Variants in AXL observed in about 807,000 individuals in gnomAD.
The protein encoded by AXL is AXL receptor tyrosine kinase.
Under a neutral mutation model 104.5 loss-of-function variants are expected in AXL, and 52 were observed. The ratio of observed to expected loss-of-function variants is 0.50; its 90% CI spans 0.40 to 0.63. AXL has a LOEUF of 0.63. Among genes scored for constraint, AXL ranks in the 20% least tolerant of loss-of-function variants. AXL has a pLI of 0.00. For synonymous variants in AXL, 455 were observed against 473.7 expected (o/e 0.96, Z 0.51); for missense variants, 1,024 against 1,188.5 (o/e 0.86, Z 2.04).
intron 6 of AXL, among the ~76,000 whole-genome samples, chr19:41,231,701 C>T (rs1010425040): frequency 6.6e-6 from 1 of 151,760 alleles, no homozygotes; most frequent in African/African-American, 2.4e-5. Flanking sequence ...CCGAGGTGGG[C>T]GGATCACTTG....
chr19:41,239,975 T>C (rs2034152558), intron 10 of AXL, among the ~76,000 whole-genome samples: 1 of 151,302 alleles, frequency 6.6e-6, no homozygotes, highest in Admixed American at 6.6e-5. Context: ...GATAGATATA[T>C]GGAGGGTGGA....
intron 4 of AXL, among the ~76,000 whole-genome samples, chr19:41,227,322 CAG>C (rs1169981212): frequency 6.6e-6 from 1 of 152,078 alleles, no homozygotes; most frequent in Admixed American, 6.6e-5. Context: ...CACAATTTCG[CAG>C]ATAGATTGTT....
rs149422988 is a variant in AXL at position 41,253,105 on chromosome 19, G to A, written c.1926+138G>A. 4.6e-4 allele frequency: 415 copies of A among 892,594 alleles called. 2 individuals carry two copies. The highest frequency in any genetic ancestry group is 6.1e-4 in the Non-Finnish European group (367 of 597,448). The allele number at this position is 892,594 out of a possible 1,614,324, so 55.3% of individuals were successfully genotyped here. On this transcript the variant is annotated intron_variant, in intron 16 of 19. Transcript: ENST00000301178. ...GCATTTCTTCCAGCAGGGGAGGGGC[G>A]GATGATAAACAAGCTAATAAATACC... is the stretch of plus-strand genomic sequence containing the variant.
At chr19:41,234,400 C>T (rs780791378) in intron 6 of AXL, among the ~76,000 whole-genome samples, 65 of 152,102 alleles carry the variant, frequency 4.3e-4, no homozygotes, top group Non-Finnish European at 4.4e-4. Flanking sequence ...GCAGGTGGAT[C>T]GCTTGAGCCC....
At position 41,229,887 on chromosome 19, in the gene AXL, G is replaced by A. The variant is rs187567266; in HGVS notation, c.587-1080G>A. On this transcript the variant is annotated intron_variant, in intron 4 of 19. Coordinates refer to ENST00000301178, the MANE Select transcript of AXL (RefSeq NM_021913.5). ...CCCTAAGTGTGTCTAGCAGGTGTGTGTGCTCATACTTGTGTCCTTGTGAGT... is the reference window on the plus strand; with the variant it reads ...CCCTAAGTGTGTCTAGCAGGTGTGTATGCTCATACTTGTGTCCTTGTGAGT... 1.9e-4 allele frequency among the ~76,000 whole-genome samples: 29 copies of A among 152,212 alleles called. No individual in the cohort carries two copies. In the South Asian group the frequency reaches 2.5e-3, roughly 13 times the overall value.
At chr19:41,258,455 C>T (rs546762690) in intron 19 of AXL, among the ~76,000 whole-genome samples, 7 of 152,236 alleles carry the variant, frequency 4.6e-5, no homozygotes, top group Non-Finnish European at 1.0e-4. Context: ...GAGTCTCGCT[C>T]TGTCGCCCAG....
At chr19:41,221,817 G>T (rs748934171) in intron 3 of AXL, 63 bp from the exon 4 acceptor site, 53 of 1,555,536 alleles carry the variant, frequency 3.4e-5, no homozygotes, top group Non-Finnish European at 4.4e-5. Flanking sequence ...GCATCCTAGT[G>T]GTGAGTCAGG....
chr19:41,226,523 G>A (rs1203495694), intron 4 of AXL, among the ~76,000 whole-genome samples: 1 of 152,178 alleles, frequency 6.6e-6, no homozygotes, highest in African/African-American at 2.4e-5. Context: ...TCCCCTTTCC[G>A]GCCTCTGCAG....
At chr19:41,222,408 C>G (rs1015439266) in intron 4 of AXL, among the ~76,000 whole-genome samples, 9 of 152,134 alleles carry the variant, frequency 5.9e-5, no homozygotes, top group African/African-American at 2.2e-4. Flanking sequence ...TTCCATGGCT[C>G]GAGTGCGTGT....
chr19:41,257,074 C>T (rs186737065), intron 18 of AXL, among the ~76,000 whole-genome samples: 58 of 152,136 alleles, frequency 3.8e-4, no homozygotes, highest in African/African-American at 1.3e-3. Context: ...GATGGAGTCT[C>T]GCACTGTCAC....
At chr19:41,247,242 G>T (rs910064352) in intron 12 of AXL, among the ~76,000 whole-genome samples, 36 of 152,196 alleles carry the variant, frequency 2.4e-4, no homozygotes, top group African/African-American at 8.4e-4. Flanking sequence ...GGCCAGGCGT[G>T]GTGGCTCACG....
intron 12 of AXL, among the ~76,000 whole-genome samples, chr19:41,244,892 C>G (rs779043821): frequency 6.6e-6 from 1 of 151,828 alleles, no homozygotes; most frequent in Non-Finnish European, 1.5e-5. Flanking sequence ...AATTGGATAG[C>G]TGGGATTTGA....
intron 4 of AXL, among the ~76,000 whole-genome samples, chr19:41,222,425 G>C (rs1406918901): frequency 1.3e-5 from 2 of 152,092 alleles, no homozygotes; most frequent in Admixed American, 1.3e-4. Context: ...GTGTGGGCCT[G>C]GTGCCCCTTT....
chr19:41,259,842 A>G lies in AXL; in HGVS notation c.2623A>G (p.Ser875Gly). ...TGTCCTCTGCCCTTCCACAACCCCT[A>G]GCCCCGCTCAGCCTGCTGATAGGGG... ...RYVLCPSTTPSPAQPADRGSP... is the reference protein window; with the variant it reads ...RYVLCPSTTPGPAQPADRGSP... The change falls in exon 20 of 20, where the codon AGC becomes GGC. Residue 875 changes from serine to glycine, a missense_variant. Ser to Gly is a moderately conservative substitution (Grantham distance 56, BLOSUM62 0). This residue lies in a region of AXL where 523 missense variants were observed against 636.0 expected (regional missense o/e 0.82). Coordinates refer to ENST00000301178, the MANE Select transcript of AXL (RefSeq NM_021913.5). The G allele has an allele frequency of 6.2e-7, 1 of 1,610,554 alleles. No individual in the cohort carries two copies. Among genetic ancestry groups the G allele is most frequent in the Non-Finnish European group, 8.5e-7 (1 of 1,178,032 alleles).
At chr19:41,242,315 C>CTTTT (rs574315254) in intron 10 of AXL, among the ~76,000 whole-genome samples, 5 of 83,864 alleles carry the variant, frequency 6.0e-5, no homozygotes, top group Non-Finnish European at 8.4e-5. Context: ...CTGGCACTCT[C>CTTTT]TTTTTTTTTT....
chr19:41,230,228 G>T lies in AXL; in HGVS notation c.587-739G>T, dbSNP rs2033954592. Among the ~76,000 whole-genome samples, 3 of 151,716 alleles carry T rather than the reference G, an allele frequency of 2.0e-5. No individual in the cohort carries two copies. In the South Asian group the frequency reaches 6.3e-4, roughly 32 times the overall value. On this transcript the variant is annotated intron_variant, in intron 4 of 19. Coordinates refer to ENST00000301178, the MANE Select transcript of AXL (RefSeq NM_021913.5). ...GTGTATGAGTATGTGTCTCTGGGGT[G>T]TAAGAATGTGTGTGTGTGCCTGTGT...
chr19:41,251,686 C>T (rs886439995), intron 14 of AXL, among the ~76,000 whole-genome samples: 2 of 151,674 alleles, frequency 1.3e-5, no homozygotes, highest in Non-Finnish European at 2.9e-5. Flanking sequence ...TTGCATCCAT[C>T]CTGGGTGACA....
intron 4 of AXL, among the ~76,000 whole-genome samples, chr19:41,223,651 G>A (rs1488751219): frequency 6.6e-6 from 1 of 152,126 alleles, no homozygotes; most frequent in Non-Finnish European, 1.5e-5. Flanking sequence ...CAGCATTCCT[G>A]GGACCCTGAG....
At position 41,219,266 on chromosome 19, in the gene AXL, T is replaced by G; in HGVS notation, c.-127T>G. On this transcript the variant is annotated 5_prime_UTR_variant, in exon 1 of 20. Coordinates refer to ENST00000301178, the MANE Select transcript of AXL (RefSeq NM_021913.5). ...CAGAGCCGGTGGCAAGGGCCTCCCCTGCCGCTGTGCCAGGCAGGCAGTGCC... is the reference window on the plus strand; with the variant it reads ...CAGAGCCGGTGGCAAGGGCCTCCCCGGCCGCTGTGCCAGGCAGGCAGTGCC... The G allele has an allele frequency of 2.2e-6, 2 of 893,092 alleles. No homozygotes were observed. Among genetic ancestry groups the G allele is most frequent in the Non-Finnish European group, 3.4e-6 (2 of 592,410 alleles). 55.3% of individuals were successfully genotyped at this position (893,092 alleles called of 1,614,324 possible).
Sources: allele counts gnomAD v4.1 joint callset (sites outside exome capture counted in the v4.1 genomes callset), GRCh38; gene constraint gnomAD v4.1.1; regional missense constraint gnomAD v4.1.1; transcripts MANE v1.5; gene names NCBI Gene and HGNC (gene_info 2026-07-23, HGNC 2026-07-21).